Variants in NLGN1 observed in about 807,000 individuals in gnomAD.
NLGN1 encodes the protein neuroligin 1.
In NLGN1, 12 loss-of-function variants were observed where a neutral mutation model predicts 65.5. The observed-to-expected ratio is 0.18, with a 90% confidence interval of 0.12 to 0.30. NLGN1 has a LOEUF of 0.30. NLGN1 is among the 10% of genes least tolerant of loss of function. NLGN1 has a pLI of 1.00. For synonymous variants in NLGN1, 350 were observed against 359.5 expected, an observed-to-expected ratio of 0.97 and a Z score of 0.30; for missense variants, 750 against 1,007.1, an observed-to-expected ratio of 0.74 and a Z score of 3.46.
At chr3:174,275,180 T>C in intron 4 of NLGN1, 135 bp from the exon 5 acceptor site, 3 of 637,802 alleles carry the variant, frequency 4.7e-6, no homozygotes, top group South Asian at 2.1e-5. Flanking sequence ...TCTTTTGTTA[T>C]AGTGGAAAAT....
chr3:173,734,453 G>C (rs1431253894), intron 3 of NLGN1, among the ~76,000 whole-genome samples: 1 of 138,224 alleles, frequency 7.2e-6, no homozygotes, highest in Admixed American at 7.8e-5. Flanking sequence ...CTGAAGTGCA[G>C]TGGCTCAATC....
At chr3:173,668,542 C>G (rs537269583) in intron 3 of NLGN1, among the ~76,000 whole-genome samples, 1 of 151,860 alleles carries the variant, frequency 6.6e-6, no homozygotes, top group Non-Finnish European at 1.5e-5. Context: ...GTGTGAAAGG[C>G]TTGGCCATTC....
rs147009852 is a variant in NLGN1 at position 174,072,517 on chromosome 3, G to C, written c.647-202798G>C. Among the ~76,000 whole-genome samples the C allele has an allele frequency of 6.1e-3, 929 of 152,226 alleles. 23 individuals are homozygous for C. The highest frequency in any genetic ancestry group is 0.036 in the East Asian group (188 of 5,172). On this transcript the variant is annotated intron_variant, in intron 4 of 6. Coordinates refer to ENST00000457714, the Ensembl canonical transcript of NLGN1. ...GTTTTATGTGAATAAAACCATGAAA[G>C]TGTGGGGCACATCAAGGATACTGAA...
intron 2 of NLGN1, among the ~76,000 whole-genome samples, chr3:173,489,053 G>A (rs1728636339): frequency 6.7e-6 from 1 of 149,066 alleles, no homozygotes; most frequent in Non-Finnish European, 1.5e-5. Context: ...TCCTTTCTCA[G>A]CCTTTTTCTT....
chr3:173,855,049 TAGAA>T (rs950103037), intron 4 of NLGN1, among the ~76,000 whole-genome samples: 59 of 152,126 alleles, frequency 3.9e-4, no homozygotes, highest in African/African-American at 1.4e-3. Flanking sequence ...TTTTAACTGT[TAGAA>T]AGAAGGAATA....
At chr3:174,087,266 G>A (rs560604998) in intron 4 of NLGN1, among the ~76,000 whole-genome samples, 2 of 152,174 alleles carry the variant, frequency 1.3e-5, no homozygotes, top group Admixed American at 6.5e-5. Context: ...AGGTACCTTT[G>A]AACCTAAAAT....
At chr3:173,933,812 G>A (rs942244591) in intron 4 of NLGN1, among the ~76,000 whole-genome samples, 2 of 152,022 alleles carry the variant, frequency 1.3e-5, no homozygotes, top group South Asian at 2.1e-4. Context: ...AATTCTCAAT[G>A]TACTTCATAA....
At chr3:174,281,348 A>C in exon 7 of NLGN1, 2 of 1,242,428 alleles carry the variant, frequency 1.6e-6, no homozygotes, top group Non-Finnish European at 2.3e-6. Flanking sequence ...ATTGCAGTAA[A>C]CGATCACTGA....
At chr3:173,995,382 G>A (rs1382531382) in intron 4 of NLGN1, among the ~76,000 whole-genome samples, 1 of 152,148 alleles carries the variant, frequency 6.6e-6, no homozygotes, top group Non-Finnish European at 1.5e-5. Flanking sequence ...CAGTTCTTGA[G>A]TTATATGTTA....
chr3:174,029,722 G>T (rs916300424), intron 4 of NLGN1, among the ~76,000 whole-genome samples: 1 of 152,146 alleles, frequency 6.6e-6, no homozygotes, highest in African/African-American at 2.4e-5. Context: ...CAAGGGTGGG[G>T]CCAGGTGGAG....
chr3:174,180,746 G>A (rs917657640), intron 4 of NLGN1: 3 of 152,050 alleles, frequency 2.0e-5, no homozygotes, highest in African/African-American at 7.2e-5. Flanking sequence ...CAACTGAAAT[G>A]CTTATATAAA....
chr3:173,623,777 A>T (rs1386878242), intron 3 of NLGN1, among the ~76,000 whole-genome samples: 18 of 152,096 alleles, frequency 1.2e-4, no homozygotes, highest in Non-Finnish European at 1.5e-5. Flanking sequence ...TTAGTTTGGC[A>T]GTTGTCTTTG....
At chr3:173,676,908 G>A (rs531281970) in intron 3 of NLGN1, among the ~76,000 whole-genome samples, 6 of 151,804 alleles carry the variant, frequency 4.0e-5, no homozygotes, top group South Asian at 4.2e-4. Context: ...TTTTACTCCC[G>A]GCCCTGATGT....
chr3:173,788,833 TAAAAAAAAA>T (rs3979635), intron 3 of NLGN1, among the ~76,000 whole-genome samples: 2 of 53,536 alleles, frequency 3.7e-5, no homozygotes, highest in African/African-American at 6.9e-5. Flanking sequence ...AGACCTCATT[TAAAAAAAAA>T]AAAAAAAAAA....
chr3:173,770,751 G>T (rs1301586976), intron 3 of NLGN1, among the ~76,000 whole-genome samples: 2 of 152,002 alleles, frequency 1.3e-5, no homozygotes, highest in Non-Finnish European at 2.9e-5. Context: ...AATGAAAATG[G>T]CAGTGTGCAT....
chr3:174,084,008 T>C (rs1742782051), intron 4 of NLGN1, among the ~76,000 whole-genome samples: 2 of 152,116 alleles, frequency 1.3e-5, no homozygotes, highest in Non-Finnish European at 2.9e-5. Context: ...TGCTGTAGAG[T>C]GAATACAAAA....
chr3:173,715,334 G>A (rs566399813), intron 3 of NLGN1, among the ~76,000 whole-genome samples: 1 of 152,242 alleles, frequency 6.6e-6, no homozygotes, highest in South Asian at 2.1e-4. Context: ...TTATCATGTG[G>A]AATATTTCCA....
intron 3 of NLGN1, among the ~76,000 whole-genome samples, chr3:173,765,910 A>T (rs1290820365): frequency 1.3e-5 from 2 of 152,014 alleles, no homozygotes. Context: ...CTCATTCCCT[A>T]CCATCTCCTC....
At chr3:173,770,387 A>G (rs570344046) in intron 3 of NLGN1, among the ~76,000 whole-genome samples, 4 of 152,322 alleles carry the variant, frequency 2.6e-5, no homozygotes, top group Non-Finnish European at 5.9e-5. Context: ...GGAGAGTACA[A>G]ATGATACATC....
Sources: allele counts gnomAD v4.1 joint callset (sites outside exome capture counted in the v4.1 genomes callset), GRCh38; gene constraint gnomAD v4.1.1; transcripts MANE v1.5; gene names NCBI Gene and HGNC (gene_info 2026-07-23, HGNC 2026-07-21).